The following TAS2R1 variants were observed in gnomAD, a reference collection of about 807,000 sequenced individuals.
TAS2R1 encodes taste receptor type 2 member 1.
For synonymous variants in TAS2R1, 141 were observed against 134.2 expected (o/e 1.05, Z -0.35); for missense variants, 370 against 353.4 (o/e 1.05, Z -0.38).
At chr5:9,709,134 A>G (rs913776709) in intron 1 of TAS2R1, among the ~76,000 whole-genome samples, 8 of 151,644 alleles carry the variant, frequency 5.3e-5, no homozygotes, top group Admixed American at 1.3e-4. Flanking sequence ...TGGCACATGT[A>G]TACCTACATA....
chr5:9,812,228 C>T, the TAS2R1 span, among the ~76,000 whole-genome samples: 3 of 151,458 alleles, frequency 2.0e-5, no homozygotes, highest in Non-Finnish European at 2.9e-5. Context: ...CTGTCTGGTT[C>T]GGAGAAAAAG....
the TAS2R1 span, among the ~76,000 whole-genome samples, chr5:9,869,596 A>T: frequency 6.6e-6 from 1 of 152,336 alleles, no homozygotes; most frequent in Admixed American, 6.5e-5. Flanking sequence ...TCAGCCCCCA[A>T]TAAAAATCCT....
At chr5:9,749,903 A>T in the TAS2R1 span, among the ~76,000 whole-genome samples, 4 of 152,282 alleles carry the variant, frequency 2.6e-5, no homozygotes, top group Non-Finnish European at 4.4e-5. Flanking sequence ...CTCAACATGC[A>T]TCCATATGGC....
the TAS2R1 span, among the ~76,000 whole-genome samples, chr5:9,772,512 T>C: frequency 1.3e-5 from 2 of 152,124 alleles, no homozygotes; most frequent in South Asian, 2.1e-4. Flanking sequence ...AAATGTCTAC[T>C]AGGTTCATTT....
the TAS2R1 span, among the ~76,000 whole-genome samples, chr5:9,740,750 A>C: frequency 6.6e-6 from 1 of 152,232 alleles, no homozygotes; most frequent in East Asian, 1.9e-4. Flanking sequence ...ACCTTTGAGC[A>C]GGTAACACCG....
chr5:9,746,816 T>A, the TAS2R1 span, among the ~76,000 whole-genome samples: 9 of 151,504 alleles, frequency 5.9e-5, no homozygotes, highest in South Asian at 1.9e-3. Context: ...ACCTAATGTA[T>A]GTGGGGCTTA....
chr5:9,805,408 A>G, the TAS2R1 span, among the ~76,000 whole-genome samples: 1 of 152,132 alleles, frequency 6.6e-6, no homozygotes, highest in Non-Finnish European at 1.5e-5. Flanking sequence ...AGCCAGTATC[A>G]CCCTAATACC....
the TAS2R1 span, among the ~76,000 whole-genome samples, chr5:9,858,389 G>A: frequency 2.6e-5 from 4 of 152,178 alleles, no homozygotes; most frequent in African/African-American, 7.2e-5. Flanking sequence ...CCCAAGTGAA[G>A]GGTATCTCTC....
the TAS2R1 span, among the ~76,000 whole-genome samples, chr5:9,841,330 A>G: frequency 3.9e-5 from 6 of 152,292 alleles, no homozygotes; most frequent in Admixed American, 3.3e-4. Context: ...CTTCTAGGAA[A>G]AAATTATACA....
the TAS2R1 span, among the ~76,000 whole-genome samples, chr5:9,846,652 G>A: frequency 3.3e-5 from 5 of 151,288 alleles, no homozygotes; most frequent in East Asian, 9.7e-4. Context: ...ATCTGCTCAT[G>A]TCTAAACCAA....
intron 1 of TAS2R1, among the ~76,000 whole-genome samples, chr5:9,704,603 T>C (rs542411835): frequency 7.9e-5 from 12 of 152,266 alleles, no homozygotes; most frequent in African/African-American, 2.4e-4. Context: ...GGAAAAATAA[T>C]GGACAGATGA....
chr5:9,888,057 G>A, the TAS2R1 span, among the ~76,000 whole-genome samples: 106 of 152,244 alleles, frequency 7.0e-4, no homozygotes, highest in African/African-American at 2.3e-3. Flanking sequence ...GGCAGCTACC[G>A]AAAGGGGGTT....
At chr5:9,842,520 A>G in the TAS2R1 span, among the ~76,000 whole-genome samples, 43,870 of 151,416 alleles carry the variant, frequency 0.29, 7,029 homozygotes, top group Non-Finnish European at 0.37. Context: ...AAGGGGTTCC[A>G]CCATGTTGTC....
At chr5:9,672,000 A>G (rs1214774778) in intron 1 of TAS2R1, among the ~76,000 whole-genome samples, 1 of 152,138 alleles carries the variant, frequency 6.6e-6, no homozygotes, top group Non-Finnish European at 1.5e-5. Flanking sequence ...ACCTACCACC[A>G]AGTGATCTTT....
At chr5:9,635,751 A>AT (rs1175135619) in intron 2 of TAS2R1, among the ~76,000 whole-genome samples, 2 of 151,788 alleles carry the variant, frequency 1.3e-5, no homozygotes, top group Non-Finnish European at 2.9e-5. Flanking sequence ...GCCTTGAATA[A>AT]TTTTTTGTAT....
chr5:9,681,555 C>A (rs1740997258), intron 1 of TAS2R1, among the ~76,000 whole-genome samples: 1 of 96,780 alleles, frequency 1.0e-5, no homozygotes, highest in South Asian at 3.5e-4. Flanking sequence ...AAAAAAGATG[C>A]CCTCCCACAA....
chr5:9,646,169 T>A (rs144898500), intron 2 of TAS2R1, among the ~76,000 whole-genome samples: 33 of 152,246 alleles, frequency 2.2e-4, no homozygotes, highest in African/African-American at 6.3e-4. Context: ...CTCAAACATA[T>A]CTGTGGAAGT....
At chr5:9,783,824 C>T in the TAS2R1 span, among the ~76,000 whole-genome samples, 1 of 152,138 alleles carries the variant, frequency 6.6e-6, no homozygotes, top group East Asian at 1.9e-4. Context: ...AACTTGTGCA[C>T]AGTTAATGGG....
the TAS2R1 span, among the ~76,000 whole-genome samples, chr5:9,731,479 A>T: frequency 6.6e-6 from 1 of 151,862 alleles, no homozygotes; most frequent in East Asian, 1.9e-4. Context: ...CTTCCTCACC[A>T]TCACAACGGA....
Sources: gnomAD v4.1 joint callset for allele counts (sites outside exome capture counted in the v4.1 genomes callset) on GRCh38, gnomAD v4.1.1 for gene constraint, MANE v1.5 for transcripts, NCBI Gene and HGNC (gene_info 2026-07-23, HGNC 2026-07-21) for gene names.